The following KCNJ1 variants were observed in gnomAD, a reference collection of about 807,000 sequenced individuals.
The protein encoded by KCNJ1 is potassium inwardly rectifying channel subfamily J member 1.
In KCNJ1, 24 loss-of-function variants were observed where a neutral mutation model predicts 21.9. That is an observed-to-expected ratio of 1.10 (90% CI 0.79 to 1.54). KCNJ1 has a LOEUF of 1.54. KCNJ1 is among the 40% of genes most tolerant of loss of function. The pLI, the probability that KCNJ1 is intolerant of heterozygous loss-of-function variation, is 0.00. For missense variants in KCNJ1, 457 were observed against 455.4 expected (o/e 1.00, Z -0.03); for synonymous variants, 152 against 160.9 (o/e 0.94, Z 0.42).
intron 2 of KCNJ1, among the ~76,000 whole-genome samples, chr11:128,847,337 C>T (rs766233424): frequency 7.9e-5 from 12 of 152,152 alleles, no homozygotes; most frequent in Non-Finnish European, 1.8e-4. Flanking sequence ...AGGGCACTGA[C>T]CACTGAAGAC....
At chr11:128,857,998 G>A (rs1943619077) in intron 1 of KCNJ1, among the ~76,000 whole-genome samples, 3 of 152,142 alleles carry the variant, frequency 2.0e-5, no homozygotes. Context: ...TTTAAAAAGT[G>A]CAAGAGCAGC....
intron 2 of KCNJ1, among the ~76,000 whole-genome samples, chr11:128,846,133 G>A (rs1277197475): frequency 1.3e-5 from 2 of 152,156 alleles, no homozygotes; most frequent in African/African-American, 2.4e-5. Flanking sequence ...GGGCAGCATG[G>A]CAGAGTCGAC....
intron 2 of KCNJ1, among the ~76,000 whole-genome samples, chr11:128,846,007 T>C (rs1943373706): frequency 6.6e-6 from 1 of 152,214 alleles, no homozygotes; most frequent in Admixed American, 6.5e-5. Context: ...TGTAGGCGTC[T>C]CTGGGCCAGC....
chr11:128,857,009 A>G lies in KCNJ1; in HGVS notation c.-191-6119T>C, dbSNP rs553054256. Among the ~76,000 whole-genome samples, 10 of 152,178 alleles carry G rather than the reference A, an allele frequency of 6.6e-5. No homozygotes were observed. In the East Asian group the frequency reaches 1.5e-3, roughly 24 times the overall value. ...AGCTTCCCCCTGTTCTGATGACCTC[A>G]AGGCCCCATATAGCCAGGACTCTGC... On this transcript the variant is annotated intron_variant, in intron 1 of 2. Coordinates refer to ENST00000392666, the MANE Select transcript of KCNJ1 (RefSeq NM_153766.3).
At chr11:128,851,690 T>G (rs1342033864) in intron 1 of KCNJ1, among the ~76,000 whole-genome samples, 1 of 152,238 alleles carries the variant, frequency 6.6e-6, no homozygotes, top group African/African-American at 2.4e-5. Flanking sequence ...GGATTCCATG[T>G]GGACGGGAGG....
At chr11:128,859,998 G>A (rs73025221) in intron 1 of KCNJ1, among the ~76,000 whole-genome samples, 3,985 of 152,298 alleles carry the variant, frequency 0.026, 55 homozygotes, top group South Asian at 0.045. Context: ...CGCCTCCGCC[G>A]GGCCTCCCGC....
At chr11:128,840,355 A>G in intron 2 of KCNJ1, 91 bp from the exon 3 acceptor site, 1 of 1,209,796 alleles carries the variant, frequency 8.3e-7, no homozygotes. Context: ...CTACGAAAAG[A>G]TCATTCAAAA....
chr11:128,856,862 A>G (rs908620761), intron 1 of KCNJ1, among the ~76,000 whole-genome samples: 4 of 152,010 alleles, frequency 2.6e-5, no homozygotes, highest in African/African-American at 7.3e-5. Flanking sequence ...TTGGGCTACA[A>G]AACTCGCCTG....
chr11:128,842,719 G>C (rs1004184056), intron 2 of KCNJ1, among the ~76,000 whole-genome samples: 2 of 152,128 alleles, frequency 1.3e-5, no homozygotes, highest in Non-Finnish European at 2.9e-5. Flanking sequence ...GCATGGATTG[G>C]GTTCCAGCAT....
At chr11:128,843,425 A>C (rs1489238337) in intron 2 of KCNJ1, among the ~76,000 whole-genome samples, 1 of 152,236 alleles carries the variant, frequency 6.6e-6, no homozygotes, top group Non-Finnish European at 1.5e-5. Flanking sequence ...GTGGCTTGGC[A>C]AAACAAGCGG....
At chr11:128,859,890 A>G (rs1422854730) in intron 1 of KCNJ1, among the ~76,000 whole-genome samples, 1 of 152,260 alleles carries the variant, frequency 6.6e-6, no homozygotes, top group Non-Finnish European at 1.5e-5. Context: ...AACAGTAACT[A>G]GAAGTGACCT....
chr11:128,850,268 G>A (rs1350361759), intron 2 of KCNJ1, among the ~76,000 whole-genome samples: 1 of 152,080 alleles, frequency 6.6e-6, no homozygotes, highest in Non-Finnish European at 1.5e-5. Flanking sequence ...CTCAAAGAAG[G>A]AAGAAGATCC....
intron 1 of KCNJ1, among the ~76,000 whole-genome samples, chr11:128,855,912 C>T (rs1943579810): frequency 6.6e-6 from 1 of 152,210 alleles, no homozygotes; most frequent in African/African-American, 2.4e-5. Context: ...CTCTCACCTG[C>T]CAGACCCAAG....
rs1408645506 is a variant in KCNJ1, at chr11:128,841,570, A to G, written c.-21-1306T>C. ...CCCTGGTCCGCAATGTCTTCAGGGTATTTTTCATTAAATGCAAATATGTTT... is the reference window on the plus strand; with the variant it reads ...CCCTGGTCCGCAATGTCTTCAGGGTGTTTTTCATTAAATGCAAATATGTTT... On this transcript the variant is annotated intron_variant, in intron 2 of 2. Coordinates refer to ENST00000392666, the MANE Select transcript of KCNJ1 (RefSeq NM_153766.3). 2.0e-5 allele frequency among the ~76,000 whole-genome samples: 3 copies of G among 152,190 alleles called. No homozygotes were observed. In the East Asian group the frequency reaches 5.8e-4, roughly 29 times the overall value.
chr11:128,845,080 T>G (rs1943355782), intron 2 of KCNJ1, among the ~76,000 whole-genome samples: 1 of 152,266 alleles, frequency 6.6e-6, no homozygotes, highest in Admixed American at 6.5e-5. Context: ...AACAGTCGAT[T>G]GAATCTGGAA....
At chr11:128,841,327 T>G (rs1943278341) in intron 2 of KCNJ1, among the ~76,000 whole-genome samples, 2 of 152,268 alleles carry the variant, frequency 1.3e-5, no homozygotes, top group South Asian at 4.1e-4. Context: ...GCCTACTGTT[T>G]ATTCAGTAAA....
chr11:128,855,851 G>A (rs1488428337), intron 1 of KCNJ1, among the ~76,000 whole-genome samples: 1 of 152,232 alleles, frequency 6.6e-6, no homozygotes, highest in African/African-American at 2.4e-5. Flanking sequence ...AGGCTGAGTT[G>A]GCACTTGGGG....
chr11:128,848,969 C>G (rs1008533195), intron 2 of KCNJ1, among the ~76,000 whole-genome samples: 1 of 152,154 alleles, frequency 6.6e-6, no homozygotes, highest in Non-Finnish European at 1.5e-5. Context: ...GTCTGCTGCC[C>G]GTTGCTGGAG....
At chr11:128,847,090 A>T (rs994362277) in intron 2 of KCNJ1, among the ~76,000 whole-genome samples, 13 of 152,220 alleles carry the variant, frequency 8.5e-5, no homozygotes, top group Non-Finnish European at 2.9e-5. Context: ...AATAAGAATT[A>T]TCAACATATT....
Sources: gnomAD v4.1 joint callset for allele counts (sites outside exome capture counted in the v4.1 genomes callset) on GRCh38, gnomAD v4.1.1 for gene constraint, MANE v1.5 for transcripts, NCBI Gene and HGNC (gene_info 2026-07-23, HGNC 2026-07-21) for gene names.